Variants in FCRL1 observed in about 807,000 individuals in gnomAD.
The protein encoded by FCRL1 is Fc receptor like 1, also known as Fc receptor-like protein 1.
FCRL1 carries 34 observed loss-of-function variants against 49.2 expected under a neutral mutation model. That is an observed-to-expected ratio of 0.69 (90% CI 0.53 to 0.92). The LOEUF is 0.92. Among genes scored for constraint, FCRL1 ranks in the 40% least tolerant of loss-of-function variants. The probability of loss-of-function intolerance (pLI) is 0.00; values close to 1 mark genes in which losing one functional copy is unlikely to be tolerated. For missense variants in FCRL1, 524 were observed against 524.1 expected (o/e 1.00, Z 0.00); for synonymous variants, 218 against 201.6 (o/e 1.08, Z -0.69).
intron 2 of FCRL1, chr1:157,806,707 C>T (rs74121543): frequency 0.014 from 2,415 of 169,964 alleles, 52 homozygotes; most frequent in African/African-American, 0.054. Flanking sequence ...GGTGACACAC[C>T]CAGCTGAGAA....
Position 157,798,171 on chromosome 1 carries a change from T to C in FCRL1, c.1104A>G (p.Ile368Met), listed in dbSNP as rs1651847987. 2.5e-6 allele frequency: 4 copies of C among 1,612,300 alleles called. No homozygotes were observed. The highest frequency in any genetic ancestry group is 2.2e-5 in the South Asian group (2 of 90,788). ...TTTGGGAAGGCTCACCATTTTCATA[T>C]ATAGGCTGTAGCTGCCCTGGGGTAG... ...NSPTPGQLQP[I>M]YENVNVVSGD... Residue 368 changes from isoleucine (I) to methionine (M), a missense_variant, in exon 8 of 11, where the codon ATA becomes ATG. By Grantham distance (10) the Ile-to-Met change is conservative (BLOSUM62 1). Coordinates refer to ENST00000368176, the MANE Select transcript of FCRL1 (RefSeq NM_052938.5).
At chr1:157,805,875 AAC>A (rs1380949521) in intron 2 of FCRL1, among the ~76,000 whole-genome samples, 1 of 152,140 alleles carries the variant, frequency 6.6e-6, no homozygotes, top group Non-Finnish European at 1.5e-5. Flanking sequence ...CAGCCTGGGC[AAC>A]AGAGTGAGAC....
At position 157,819,995 on chromosome 1, in the gene FCRL1, T is replaced by A; in HGVS notation, c.31+12A>T. On this transcript the variant is annotated intron_variant, in intron 1 of 10. Coordinates refer to ENST00000368176, the MANE Select transcript of FCRL1 (RefSeq NM_052938.5). ...TTGCATCCCATGCCCTGCTCTGAGT[T>A]GCCCAACTCACCACAGATCAACAGC... 3 of 1,614,020 alleles carry A rather than the reference T, an allele frequency of 1.9e-6. No individual in the cohort carries two copies. The highest frequency in any genetic ancestry group is 2.5e-6 in the Non-Finnish European group (3 of 1,179,970).
At position 157,804,279 on chromosome 1, in the gene FCRL1, G is replaced by T. The variant is rs537625087; in HGVS notation, c.53-168C>A. 9 of 697,928 alleles carry T rather than the reference G, an allele frequency of 1.3e-5. No homozygotes were observed. The African/African-American group carries it at 1.3e-4, about 10-fold the overall frequency. 43.2% of individuals were successfully genotyped at this position (697,928 alleles called of 1,614,324 possible). A position where few individuals can be genotyped will look rare whatever the true frequency, so the allele number is the denominator to read the frequency against. On this transcript the variant is annotated intron_variant, in intron 2 of 10. Transcript: ENST00000368176. ...CCCAGTGGCCCATGGGCTTTCCTTT[G>T]CCATGAACTCACCCTGCTCACCCCT...
At chr1:157,819,069 TGAGA>T (rs970415473) in intron 1 of FCRL1, among the ~76,000 whole-genome samples, 1 of 152,056 alleles carries the variant, frequency 6.6e-6, no homozygotes, top group Non-Finnish European at 1.5e-5. Context: ...AACAGAAAGA[TGAGA>T]GAGTTTTCTT....
At chr1:157,811,965 G>A (rs1315536177) in intron 1 of FCRL1, among the ~76,000 whole-genome samples, 2 of 152,176 alleles carry the variant, frequency 1.3e-5, no homozygotes, top group African/African-American at 4.8e-5. Context: ...GGAACAGGCT[G>A]TCCTGCCCAG....
intron 7 of FCRL1, among the ~76,000 whole-genome samples, chr1:157,798,464 C>T (rs1303208940): frequency 2.6e-5 from 4 of 152,082 alleles, no homozygotes; most frequent in Non-Finnish European, 5.9e-5. Flanking sequence ...ACTCCATGAG[C>T]GTAAGGTGTG....
rs139624544 is a variant in FCRL1 at position 157,802,181 on chromosome 1, C to T, written c.620G>A (p.Arg207His). Reference sequence around the variant, plus strand: ...GGGAGCCCTGAGCATGAGGATTGGGCGAGACACCGGGACTGAGGGAGACAG... The same window carrying T: ...GGGAGCCCTGAGCATGAGGATTGGGTGAGACACCGGGACTGAGGGAGACAG... ...VSITVRIPVS[R>H]PILMLRAPRA... The change falls in exon 5 of 11, where the codon CGC becomes CAC. Residue 207 changes from arginine to histidine, a missense_variant. Coordinates refer to ENST00000368176, the MANE Select transcript of FCRL1 (RefSeq NM_052938.5). The T allele has an allele frequency of 5.4e-5, 87 of 1,613,130 alleles. 1 individual carries two copies. The highest frequency in any genetic ancestry group is 2.0e-4 in the East Asian group (9 of 44,870).
intron 3 of FCRL1, 28 bp downstream of exon 3, chr1:157,803,817 C>T (rs774265736): frequency 6.2e-7 from 1 of 1,606,916 alleles, no homozygotes; most frequent in Admixed American, 1.7e-5. Context: ...TCAGCCTATC[C>T]TGGCAGACTG....
chr1:157,797,191 C>G (rs1413350202), intron 9 of FCRL1, 59 bp from the exon 10 acceptor site: 1 of 1,524,900 alleles, frequency 6.6e-7, no homozygotes. Context: ...CTTCACTAAA[C>G]TTGTGTTAAG....
chr1:157,807,354 T>C (rs746550057), intron 1 of FCRL1, among the ~76,000 whole-genome samples: 36 of 152,102 alleles, frequency 2.4e-4, no homozygotes, highest in Non-Finnish European at 2.4e-4. Flanking sequence ...CTCTGCTCCT[T>C]TTCCCATATT....
At chr1:157,807,203 C>G in intron 1 of FCRL1, 81 bp from the exon 2 acceptor site, 1 of 1,465,844 alleles carries the variant, frequency 6.8e-7, no homozygotes. Context: ...GAGAGCTTCC[C>G]CAACACCACA....
chr1:157,797,020 G>C (rs1056501687), intron 10 of FCRL1, 81 bp downstream of exon 10: 47 of 1,421,968 alleles, frequency 3.3e-5, no homozygotes, highest in Non-Finnish European at 4.4e-5. Context: ...CTCTTTCTAA[G>C]TGGCTATAAT....
intron 9 of FCRL1, chr1:157,797,664 C>T (rs1651739465): frequency 1.5e-6 from 2 of 1,361,108 alleles, no homozygotes; most frequent in Admixed American, 4.0e-5. Context: ...AGCCCATCCC[C>T]AGGGGAAAGA....
chr1:157,808,351 CT>C (rs1653794678), intron 1 of FCRL1, among the ~76,000 whole-genome samples: 1 of 152,112 alleles, frequency 6.6e-6, no homozygotes, highest in Admixed American at 6.6e-5. Flanking sequence ...ATGGTCTTAA[CT>C]GTTTAGATAG....
intron 1 of FCRL1, among the ~76,000 whole-genome samples, chr1:157,813,728 A>T (rs1359917728): frequency 6.6e-6 from 1 of 152,224 alleles, no homozygotes; most frequent in Non-Finnish European, 1.5e-5. Context: ...TGAACAACCA[A>T]ATCCATGAAG....
chr1:157,803,163 A>T (rs893864558), intron 3 of FCRL1, among the ~76,000 whole-genome samples: 1 of 152,160 alleles, frequency 6.6e-6, no homozygotes, highest in African/African-American at 2.4e-5. Flanking sequence ...TAGGATAGGG[A>T]CTGCCATGTA....
intron 7 of FCRL1, among the ~76,000 whole-genome samples, chr1:157,799,558 A>C (rs1035685993): frequency 2.0e-5 from 3 of 152,058 alleles, no homozygotes; most frequent in African/African-American, 7.2e-5. Flanking sequence ...ATTGGTGTAT[A>C]AGAATGCTTG....
intron 1 of FCRL1, among the ~76,000 whole-genome samples, chr1:157,819,272 G>A (rs1041322238): frequency 1.3e-5 from 2 of 150,000 alleles, no homozygotes; most frequent in African/African-American, 4.9e-5. Context: ...ACTTAAAAGG[G>A]GATAAGTCAT....
Sources: allele counts gnomAD v4.1 joint callset (sites outside exome capture counted in the v4.1 genomes callset), GRCh38; gene constraint gnomAD v4.1.1; transcripts MANE v1.5; gene names NCBI Gene and HGNC (gene_info 2026-07-23, HGNC 2026-07-21).